Variants in KCNH1 observed in about 807,000 individuals in gnomAD.
The protein encoded by KCNH1 is voltage-gated delayed rectifier potassium channel KCNH1.
In KCNH1, 27 loss-of-function variants were observed where a neutral mutation model predicts 69.2. The ratio of observed to expected loss-of-function variants is 0.39; its 90% CI spans 0.29 to 0.54. KCNH1 has a LOEUF of 0.54. KCNH1 is among the 20% of genes least tolerant of loss of function. The pLI, the probability that KCNH1 is intolerant of heterozygous loss-of-function variation, is 0.68. For synonymous variants in KCNH1, 456 were observed against 487.7 expected, an observed-to-expected ratio of 0.93 and a Z score of 0.86; for missense variants, 798 against 1,261.6, an observed-to-expected ratio of 0.63 and a Z score of 5.57.
chr1:210,757,278 G>A (rs908733475), intron 10 of KCNH1, among the ~76,000 whole-genome samples: 1 of 152,146 alleles, frequency 6.6e-6, no homozygotes, highest in South Asian at 2.1e-4. Context: ...CTTGACGAAT[G>A]ATGGCATTTG....
chr1:210,853,118 C>T (rs1385423991), intron 7 of KCNH1, among the ~76,000 whole-genome samples: 1 of 152,120 alleles, frequency 6.6e-6, no homozygotes, highest in Non-Finnish European at 1.5e-5. Context: ...TAAAAAAGTG[C>T]AAGAGATCTG....
chr1:210,814,271 T>G (rs1248538514), intron 7 of KCNH1, among the ~76,000 whole-genome samples: 1 of 152,132 alleles, frequency 6.6e-6, no homozygotes, highest in African/African-American at 2.4e-5. Context: ...CTCTTTAAAT[T>G]TCTTTGTATA....
rs898155963 is a variant in KCNH1, at chr1:210,869,524, T to C, written c.1462+50116A>G. Among the ~76,000 whole-genome samples, 40 of 145,790 alleles carry C rather than the reference T, an allele frequency of 2.7e-4. No homozygotes were observed. In the South Asian group the frequency reaches 3.0e-3, roughly 11 times the overall value. ...GTGTGTGTGTGTGTGTGTGTGTGTG[T>C]GTGCTTTTAGGCATGCCTGGTAATT... On this transcript the variant is annotated intron_variant, in intron 7 of 10. Transcript: ENST00000271751.
chr1:211,095,917 G>A (rs535436365), intron 3 of KCNH1, among the ~76,000 whole-genome samples: 31 of 152,194 alleles, frequency 2.0e-4, no homozygotes, highest in Non-Finnish European at 2.9e-4. Context: ...TCAGTTATTC[G>A]GAGCCTTGGC....
At chr1:211,081,193 T>C (rs1558596610) in intron 5 of KCNH1, among the ~76,000 whole-genome samples, 1 of 152,212 alleles carries the variant, frequency 6.6e-6, no homozygotes, top group Non-Finnish European at 1.5e-5. Flanking sequence ...AAGACATTTA[T>C]GCAGCCAACA....
chr1:211,108,944 T>C (rs1486975457), intron 1 of KCNH1, among the ~76,000 whole-genome samples: 1 of 152,128 alleles, frequency 6.6e-6, no homozygotes, highest in East Asian at 1.9e-4. Context: ...CTCAAGGAAC[T>C]TAGCAAGACA....
chr1:210,878,188 C>G (rs1445135001), intron 7 of KCNH1, among the ~76,000 whole-genome samples: 1 of 152,070 alleles, frequency 6.6e-6, no homozygotes, highest in East Asian at 1.9e-4. Flanking sequence ...GATGAATCTA[C>G]TATTACTGTT....
chr1:210,845,000 C>A (rs61851022), intron 7 of KCNH1, among the ~76,000 whole-genome samples: 1 of 152,068 alleles, frequency 6.6e-6, no homozygotes, highest in Non-Finnish European at 1.5e-5. Context: ...AATTCCTCGA[C>A]ACATACATCC....
At chr1:210,823,509 T>A (rs944558221) in intron 7 of KCNH1, among the ~76,000 whole-genome samples, 1 of 152,190 alleles carries the variant, frequency 6.6e-6, no homozygotes, top group Non-Finnish European at 1.5e-5. Flanking sequence ...CACATGTTAA[T>A]CCATTTGGAC....
chr1:210,850,459 C>T (rs1348305691), intron 7 of KCNH1, among the ~76,000 whole-genome samples: 2 of 152,118 alleles, frequency 1.3e-5, no homozygotes, highest in Middle Eastern at 3.2e-3. Context: ...TGCAGTGAGT[C>T]GAGATCCTGT....
chr1:210,812,356 C>G (rs895095003), intron 7 of KCNH1, among the ~76,000 whole-genome samples: 1 of 152,180 alleles, frequency 6.6e-6, no homozygotes, highest in African/African-American at 2.4e-5. Context: ...ACTACTCTTA[C>G]TATCCTGCCA....
At chr1:211,011,503 T>C (rs1371651548) in intron 6 of KCNH1, among the ~76,000 whole-genome samples, 1 of 152,210 alleles carries the variant, frequency 6.6e-6, no homozygotes, top group East Asian at 1.9e-4. Flanking sequence ...AGTAATGGGA[T>C]TGCTGGGTCA....
At chr1:210,760,832 T>C (rs181713540) in intron 10 of KCNH1, among the ~76,000 whole-genome samples, 118 of 152,324 alleles carry the variant, frequency 7.7e-4, no homozygotes, top group African/African-American at 2.8e-3. Flanking sequence ...CCTGCCCCTA[T>C]GATTCAATTA....
rs148981118 is a variant in KCNH1, at chr1:211,080,645, G to A, written c.558+2135C>T. Among the ~76,000 whole-genome samples the A allele has an allele frequency of 2.7e-3, 411 of 152,256 alleles. 1 individual carries two copies. Among genetic ancestry groups the A allele is most frequent in the African/African-American group, 9.5e-3 (396 of 41,556 alleles). On this transcript the variant is annotated intron_variant, in intron 5 of 10. Transcript: ENST00000271751. ...ATATAGACTAATGGAACAGAACAGA[G>A]GCCTTAGAAGTAACACCACACATCT...
chr1:211,105,950 A>G (rs1691340716), intron 2 of KCNH1, among the ~76,000 whole-genome samples: 1 of 152,266 alleles, frequency 6.6e-6, no homozygotes, highest in Non-Finnish European at 1.5e-5. Flanking sequence ...GAAAGTGGAA[A>G]TATTTTCAAA....
intron 10 of KCNH1, among the ~76,000 whole-genome samples, chr1:210,709,669 C>T (rs145302780): frequency 0.023 from 3,349 of 146,928 alleles, 74 homozygotes; most frequent in Middle Eastern, 0.035. Flanking sequence ...GACAGATAGA[C>T]GGAAAGAAAG....
rs2102349307 is a variant in KCNH1 at position 210,954,537 on chromosome 1, C to G, written c.1033-34468G>C. Reference sequence around the variant, plus strand: ...CTCCCACCAACAGTGTAAAAGCATTCCTATTTCTCCACATCCTCTCCAGCA... The same window carrying G: ...CTCCCACCAACAGTGTAAAAGCATTGCTATTTCTCCACATCCTCTCCAGCA... On this transcript the variant is annotated intron_variant, in intron 6 of 10. Transcript: ENST00000271751. 2.0e-5 allele frequency among the ~76,000 whole-genome samples: 3 copies of G among 152,310 alleles called. No individual in the cohort carries two copies. In the South Asian group the frequency reaches 6.2e-4, roughly 32 times the overall value.
chr1:210,852,673 T>C (rs912745248), intron 7 of KCNH1, among the ~76,000 whole-genome samples: 1 of 152,150 alleles, frequency 6.6e-6, no homozygotes, highest in East Asian at 1.9e-4. Context: ...TAAATAATAT[T>C]TAGGCAAACG....
chr1:210,771,642 A>G (rs1034221309), intron 10 of KCNH1, among the ~76,000 whole-genome samples: 1 of 152,192 alleles, frequency 6.6e-6, no homozygotes, highest in Non-Finnish European at 1.5e-5. Flanking sequence ...ATAACATACA[A>G]ATGAATTGAG....
Sources: allele counts gnomAD v4.1 joint callset (sites outside exome capture counted in the v4.1 genomes callset), GRCh38; gene constraint gnomAD v4.1.1; transcripts MANE v1.5; gene names NCBI Gene and HGNC (gene_info 2026-07-23, HGNC 2026-07-21).